SRFBP1: variants seen among roughly 807,000 people sequenced by gnomAD.
SRFBP1 encodes serum response factor binding protein 1, also known as serum response factor-binding protein 1.
A neutral mutation model predicts 45.5 loss-of-function variants in SRFBP1; 47 were observed. The observed-to-expected ratio is 1.03, with a 90% CI of 0.82 to 1.32. SRFBP1 has a LOEUF of 1.32. Among genes scored for constraint, SRFBP1 ranks in the 40% most tolerant of loss-of-function variants. The probability of loss-of-function intolerance (pLI) is 0.00; values close to 1 mark genes in which losing one functional copy is unlikely to be tolerated. For missense variants in SRFBP1, 621 were observed against 484.6 expected (o/e 1.28, Z -2.64); for synonymous variants, 203 against 166.3 (o/e 1.22, Z -1.70).
At chr5:122,045,909 A>T (rs1394129926) in intron 2 of SRFBP1, among the ~76,000 whole-genome samples, 1 of 152,140 alleles carries the variant, frequency 6.6e-6, no homozygotes, top group Non-Finnish European at 1.5e-5. Flanking sequence ...AGGAGTGGTG[A>T]GAGAGAACAT....
rs1233429251 is a variant in SRFBP1, at chr5:122,003,235, C to T, written c.270+8565C>T. Among the ~76,000 whole-genome samples the T allele has an allele frequency of 2.6e-5, 4 of 151,588 alleles. No homozygotes were observed. The East Asian group carries it at 7.8e-4, about 30-fold the overall frequency. On this transcript the variant is annotated intron_variant, in intron 4 of 7. Coordinates refer to ENST00000339397, the MANE Select transcript of SRFBP1 (RefSeq NM_152546.3). ...TGACACACAGCTGTAGTCTCAACTA[C>T]TCAGGAGGCTACACTGGGAGAACCA... is the stretch of plus-strand genomic sequence containing the variant.
intron 4 of SRFBP1, among the ~76,000 whole-genome samples, chr5:122,011,731 A>G (rs571966285): frequency 1.3e-5 from 2 of 152,224 alleles, no homozygotes; most frequent in Admixed American, 6.5e-5. Context: ...GAGTTCAGTA[A>G]ATATAAAGAG....
intron 2 of SRFBP1, chr5:122,063,846 G>C (rs554113427): frequency 9.2e-5 from 14 of 151,948 alleles, no homozygotes; most frequent in African/African-American, 3.1e-4. Flanking sequence ...TTATAAGTGT[G>C]ACTATCCTAT....
intron 2 of SRFBP1, among the ~76,000 whole-genome samples, chr5:122,040,304 C>T (rs966391137): frequency 6.6e-6 from 1 of 152,068 alleles, no homozygotes; most frequent in Non-Finnish European, 1.5e-5. Flanking sequence ...TGTACAGGAA[C>T]ATGTTCAGTA....
intron 2 of SRFBP1, among the ~76,000 whole-genome samples, chr5:122,054,359 C>T (rs186018614): frequency 3.9e-5 from 6 of 152,316 alleles, no homozygotes; most frequent in Non-Finnish European, 7.3e-5. Flanking sequence ...GAGCTAAGCC[C>T]AGACAGGCTG....
chr5:121,967,403 T>C (rs1244735363), intron 1 of SRFBP1, among the ~76,000 whole-genome samples: 1 of 152,208 alleles, frequency 6.6e-6, no homozygotes, highest in Non-Finnish European at 1.5e-5. Context: ...GGTGGCAGCA[T>C]ATGCCCAATA....
At chr5:122,074,233 A>C in intron 2 of SRFBP1, 1 of 1,393,394 alleles carries the variant, frequency 7.2e-7, no homozygotes, top group Non-Finnish European at 1.0e-6. Flanking sequence ...TGAAGATATT[A>C]AATGACTTCC....
At chr5:122,008,793 C>A (rs1753028818) in intron 4 of SRFBP1, among the ~76,000 whole-genome samples, 1 of 152,044 alleles carries the variant, frequency 6.6e-6, no homozygotes. Flanking sequence ...AGGGCACATA[C>A]CTGAAAGTGG....
At chr5:121,972,986 A>G (rs1426788161) in intron 1 of SRFBP1, among the ~76,000 whole-genome samples, 5 of 151,928 alleles carry the variant, frequency 3.3e-5, no homozygotes. Flanking sequence ...GTTGGTTGCT[A>G]ATATCTTCAG....
intron 4 of SRFBP1, among the ~76,000 whole-genome samples, chr5:122,009,943 A>C (rs144073806): frequency 6.6e-6 from 1 of 152,130 alleles, no homozygotes; most frequent in East Asian, 1.9e-4. Flanking sequence ...AGCTTGTTCT[A>C]TGCTTCTTTT....
At chr5:121,986,189 A>G (rs1013418002) in intron 3 of SRFBP1, among the ~76,000 whole-genome samples, 3 of 151,946 alleles carry the variant, frequency 2.0e-5, no homozygotes, top group African/African-American at 7.2e-5. Flanking sequence ...TCAAATGAAG[A>G]TAGAGTATCA....
chr5:122,010,866 G>T (rs1240866905), intron 4 of SRFBP1, among the ~76,000 whole-genome samples: 1 of 152,032 alleles, frequency 6.6e-6, no homozygotes, highest in Non-Finnish European at 1.5e-5. Context: ...CTATGGAAAA[G>T]ATTTCATTTG....
chr5:122,039,541 A>T (rs1052816048), intron 2 of SRFBP1, among the ~76,000 whole-genome samples: 1 of 152,166 alleles, frequency 6.6e-6, no homozygotes, highest in Non-Finnish European at 1.5e-5. Context: ...AGGTAAAATG[A>T]TTACATGATT....
At chr5:122,077,934 G>A (rs759346597), downstream of SRFBP1, 2 of 1,501,020 alleles carry the variant, frequency 1.3e-6, no homozygotes, top group East Asian at 5.0e-5. This position sits in a 1 kb window ranked among gnomAD's most constrained non-coding sequence, Gnocchi z 4.9. Context: ...CAGTGCACTA[G>A]CGCGCAGAGC....
intron 3 of SRFBP1, among the ~76,000 whole-genome samples, chr5:121,993,383 G>A (rs1373724150): frequency 6.6e-6 from 1 of 152,118 alleles, no homozygotes; most frequent in Non-Finnish European, 1.5e-5. Flanking sequence ...TGATGGTCTT[G>A]TTTAAATTGT....
chr5:122,077,824 C>T, downstream of SRFBP1: 2 of 1,552,164 alleles, frequency 1.3e-6, no homozygotes, highest in Non-Finnish European at 1.7e-6. This position sits in a 1 kb window ranked among gnomAD's most constrained non-coding sequence, Gnocchi z 4.9. Context: ...GCAAGCTGAA[C>T]ACCTGCCCGT....
chr5:122,059,437 G>T (rs140038132), intron 2 of SRFBP1, among the ~76,000 whole-genome samples: 2 of 152,162 alleles, frequency 1.3e-5, no homozygotes, highest in African/African-American at 4.8e-5. Context: ...TGTAGTCACA[G>T]ATATTCTTGG....
chr5:122,039,029 T>C (rs1046520700), intron 2 of SRFBP1, among the ~76,000 whole-genome samples: 3 of 152,152 alleles, frequency 2.0e-5, no homozygotes, highest in African/African-American at 7.2e-5. Context: ...GAACAAGTAC[T>C]TCCTTCCAGA....
intron 2 of SRFBP1, among the ~76,000 whole-genome samples, chr5:122,042,295 G>A (rs369244923): frequency 7.3e-4 from 111 of 152,042 alleles, no homozygotes; most frequent in Non-Finnish European, 1.3e-3. Flanking sequence ...TTGAGACAGG[G>A]TCTCACTGTG....
Sources: allele counts gnomAD v4.1 joint callset (sites outside exome capture counted in the v4.1 genomes callset), GRCh38; gene constraint gnomAD v4.1.1; non-coding constraint Gnocchi (gnomAD v3.1); transcripts MANE v1.5; gene names NCBI Gene and HGNC (gene_info 2026-07-23, HGNC 2026-07-21).